The following HS3ST4 variants were observed in gnomAD, a reference collection of about 807,000 sequenced individuals.
HS3ST4 encodes heparan sulfate-glucosamine 3-sulfotransferase 4.
HS3ST4 carries 17 observed loss-of-function variants against 29.2 expected under a neutral mutation model. The observed-to-expected ratio is 0.58, with a 90% CI of 0.40 to 0.87. The LOEUF (loss-of-function observed/expected upper bound fraction) is 0.87, where lower values mean the gene tolerates loss of function less well. Ranked by LOEUF, HS3ST4 falls within the 40% of genes least tolerant of loss-of-function variation. HS3ST4 has a pLI of 0.00. For synonymous variants in HS3ST4, 314 were observed against 285.7 expected (o/e 1.10, Z -1.00); for missense variants, 627 against 634.5 (o/e 0.99, Z 0.13).
At chr16:26,125,082 T>C (rs1899324422) in intron 1 of HS3ST4, among the ~76,000 whole-genome samples, 1 of 152,228 alleles carries the variant, frequency 6.6e-6, no homozygotes, top group African/African-American at 2.4e-5. Context: ...TTTGTTGAAA[T>C]AGTTCTCAAA....
At chr16:25,904,604 T>C (rs534006289) in intron 1 of HS3ST4, among the ~76,000 whole-genome samples, 2 of 152,348 alleles carry the variant, frequency 1.3e-5, no homozygotes, top group Non-Finnish European at 2.9e-5. Flanking sequence ...ATGAAAGTCA[T>C]TCATTCATTT....
At chr16:25,844,923 T>A (rs1431519625) in intron 1 of HS3ST4, among the ~76,000 whole-genome samples, 1 of 152,136 alleles carries the variant, frequency 6.6e-6, no homozygotes. Context: ...TGAAAGCCAT[T>A]ATCCTCAGCA....
intron 1 of HS3ST4, among the ~76,000 whole-genome samples, chr16:25,839,151 C>T (rs1967389642): frequency 6.6e-6 from 1 of 152,056 alleles, no homozygotes; most frequent in Non-Finnish European, 1.5e-5. Context: ...TGGTATTGAT[C>T]CTTTAAAAAC....
At chr16:26,129,327 C>A (rs1232518839) in intron 1 of HS3ST4, among the ~76,000 whole-genome samples, 1 of 152,172 alleles carries the variant, frequency 6.6e-6, no homozygotes. Flanking sequence ...AGTCATGTAA[C>A]CTTGCTGAGG....
chr16:25,925,470 A>G (rs569195917), intron 1 of HS3ST4, among the ~76,000 whole-genome samples: 11 of 152,112 alleles, frequency 7.2e-5, no homozygotes, highest in Non-Finnish European at 1.3e-4. Flanking sequence ...CTTGAAGCTC[A>G]GTGTCACAGA....
At chr16:25,840,569 G>A (rs563930716) in intron 1 of HS3ST4, among the ~76,000 whole-genome samples, 2 of 152,304 alleles carry the variant, frequency 1.3e-5, no homozygotes, top group East Asian at 3.9e-4. Flanking sequence ...TGATGGTAAA[G>A]ATAATGTAAT....
chr16:26,001,469 G>A (rs1390149494), intron 1 of HS3ST4, among the ~76,000 whole-genome samples: 2 of 151,958 alleles, frequency 1.3e-5, no homozygotes, highest in African/African-American at 4.8e-5. Context: ...CTGTAAGTTT[G>A]AAATTATTTA....
chr16:25,749,345 A>C (rs1308348931), intron 1 of HS3ST4, among the ~76,000 whole-genome samples: 1 of 152,068 alleles, frequency 6.6e-6, no homozygotes, highest in Non-Finnish European at 1.5e-5. Flanking sequence ...AATACAAAAA[A>C]TTAGCTGGGC....
intron 1 of HS3ST4, among the ~76,000 whole-genome samples, chr16:25,745,877 A>G (rs1966682150): frequency 6.6e-6 from 1 of 152,182 alleles, no homozygotes; most frequent in Non-Finnish European, 1.5e-5. Context: ...TGATTTCTTC[A>G]TCTGGTCTGT....
At chr16:26,050,343 A>G (rs142169950) in intron 1 of HS3ST4, among the ~76,000 whole-genome samples, 22 of 152,066 alleles carry the variant, frequency 1.4e-4, no homozygotes, top group African/African-American at 3.9e-4. Flanking sequence ...TTTTTTTACA[A>G]TGTCACAGTC....
chr16:25,963,999 C>T (rs538995388), intron 1 of HS3ST4, among the ~76,000 whole-genome samples: 7 of 152,144 alleles, frequency 4.6e-5, no homozygotes, highest in Admixed American at 2.6e-4. Context: ...GATGAAACCC[C>T]GTCTCTACTT....
At chr16:25,835,256 A>C (rs1481743863) in intron 1 of HS3ST4, among the ~76,000 whole-genome samples, 1 of 152,168 alleles carries the variant, frequency 6.6e-6, no homozygotes, top group East Asian at 1.9e-4. Flanking sequence ...TTTGAACATC[A>C]AAACTCCTGA....
intron 1 of HS3ST4, among the ~76,000 whole-genome samples, chr16:25,961,983 A>G (rs1438460806): frequency 6.6e-6 from 1 of 152,238 alleles, no homozygotes; most frequent in Non-Finnish European, 1.5e-5. Context: ...TGATATTTAG[A>G]TAATAAAAAT....
At chr16:25,764,711 A>G (rs1057500804) in intron 1 of HS3ST4, among the ~76,000 whole-genome samples, 4 of 152,242 alleles carry the variant, frequency 2.6e-5, no homozygotes, top group Non-Finnish European at 5.9e-5. Flanking sequence ...CTTGATGGAT[A>G]GGAAAATGAA....
intron 1 of HS3ST4, among the ~76,000 whole-genome samples, chr16:26,059,858 A>G (rs1267525441): frequency 6.6e-6 from 1 of 151,892 alleles, no homozygotes; most frequent in Non-Finnish European, 1.5e-5. Flanking sequence ...GCTCGCTGCA[A>G]CCTCCGCCTC....
At chr16:26,134,362 C>CTTTTCTTTTCTTTTCTTTT (rs750289979) in intron 1 of HS3ST4, among the ~76,000 whole-genome samples, 1 of 76,810 alleles carries the variant, frequency 1.3e-5, no homozygotes, top group African/African-American at 4.7e-5. Flanking sequence ...CTTTTCTTTT[C>CTTTTCTTTTCTTTTCTTTT]TTTTTTTTTT....
intron 1 of HS3ST4, among the ~76,000 whole-genome samples, chr16:25,747,198 TTGGCA>T (rs1187971126): frequency 6.6e-6 from 1 of 152,184 alleles, no homozygotes; most frequent in Non-Finnish European, 1.5e-5. Flanking sequence ...AACTTGATAT[TTGGCA>T]TGGAAAAATA....
At chr16:25,701,426 A>G (rs1966333909) in intron 1 of HS3ST4, among the ~76,000 whole-genome samples, 1 of 152,144 alleles carries the variant, frequency 6.6e-6, no homozygotes, top group Admixed American at 6.6e-5. Flanking sequence ...TGTTCCATGT[A>G]ATTTCCCCAT....
intron 1 of HS3ST4, among the ~76,000 whole-genome samples, chr16:26,053,809 T>C (rs1898374242): frequency 6.6e-6 from 1 of 152,186 alleles, no homozygotes; most frequent in African/African-American, 2.4e-5. Context: ...TTTATGCAAG[T>C]GTAACAATAC....
Sources: allele counts gnomAD v4.1 joint callset (sites outside exome capture counted in the v4.1 genomes callset), GRCh38; gene constraint gnomAD v4.1.1; transcripts MANE v1.5; gene names NCBI Gene and HGNC (gene_info 2026-07-23, HGNC 2026-07-21).